Variants in NRXN3 observed in about 807,000 individuals in gnomAD.
NRXN3 encodes neurexin 3.
A neutral mutation model predicts 137.6 loss-of-function variants in NRXN3; 32 were observed. The ratio of observed to expected loss-of-function variants is 0.23; its 90% CI spans 0.18 to 0.31. NRXN3 has a LOEUF of 0.31. Ranked by LOEUF, NRXN3 falls within the 10% of genes least tolerant of loss-of-function variation. The probability of loss-of-function intolerance (pLI) is 1.00; values close to 1 mark genes in which losing one functional copy is unlikely to be tolerated. For synonymous variants in NRXN3, 798 were observed against 784.5 expected, an observed-to-expected ratio of 1.02 and a Z score of -0.29; for missense variants, 1,574 against 2,062.5, an observed-to-expected ratio of 0.76 and a Z score of 4.59.
At chr14:79,738,737 T>G (rs965076953) in intron 19 of NRXN3, among the ~76,000 whole-genome samples, 4 of 152,094 alleles carry the variant, frequency 2.6e-5, no homozygotes, top group Non-Finnish European at 4.4e-5. Context: ...TTTTGTATTT[T>G]TAATAGAGAC....
intron 4 of NRXN3, among the ~76,000 whole-genome samples, chr14:78,329,181 C>T (rs1012939122): frequency 5.9e-5 from 9 of 152,154 alleles, no homozygotes; most frequent in African/African-American, 2.2e-4. Context: ...ACAAAGTTCA[C>T]TTTCGTGACT....
intron 4 of NRXN3, among the ~76,000 whole-genome samples, chr14:78,517,265 T>G (rs1443317615): frequency 1.3e-5 from 2 of 152,140 alleles, no homozygotes; most frequent in Non-Finnish European, 2.9e-5. Context: ...TTGAGCTATT[T>G]AATATGTTGA....
chr14:79,005,738 G>T (rs2099551076), intron 15 of NRXN3, among the ~76,000 whole-genome samples: 1 of 151,886 alleles, frequency 6.6e-6, no homozygotes, highest in Non-Finnish European at 1.5e-5. Flanking sequence ...CTGAATATTT[G>T]TGTGGTGTTT....
chr14:79,241,540 C>T (rs2074295489), intron 15 of NRXN3, among the ~76,000 whole-genome samples: 1 of 152,076 alleles, frequency 6.6e-6, no homozygotes. Flanking sequence ...ACCACGAGAA[C>T]AGTATGAGGG....
At chr14:79,372,122 C>T (rs1316002953) in intron 15 of NRXN3, among the ~76,000 whole-genome samples, 2 of 134,486 alleles carry the variant, frequency 1.5e-5, no homozygotes, top group Non-Finnish European at 3.3e-5. Flanking sequence ...CATACACATA[C>T]TTAAGACACA....
At position 78,220,519 on chromosome 14, in the gene NRXN3, G is replaced by A. The variant is rs190661384; in HGVS notation, c.-703-21872G>A. Among the ~76,000 whole-genome samples, 15 of 152,290 alleles carry A rather than the reference G, an allele frequency of 9.8e-5. No individual in the cohort carries two copies. In the East Asian group the frequency reaches 1.2e-3, roughly 12 times the overall value. ...TCAGGGACATGTGGGGGCAGAAGCCGGAATGCAGAGGATGAGGATAGAAAG... is the reference window on the plus strand; with the variant it reads ...TCAGGGACATGTGGGGGCAGAAGCCAGAATGCAGAGGATGAGGATAGAAAG... On this transcript the variant is annotated intron_variant, in intron 1 of 20. Coordinates refer to ENST00000335750, the MANE Select transcript of NRXN3 (RefSeq NM_001330195.2).
chr14:78,301,120 G>T (rs1159419447), intron 4 of NRXN3, among the ~76,000 whole-genome samples: 1 of 151,326 alleles, frequency 6.6e-6, no homozygotes, highest in Non-Finnish European at 1.5e-5. Flanking sequence ...GGAGAGAATT[G>T]GTGAATTGCC....
chr14:78,212,872 C>T (rs1225391500), intron 1 of NRXN3, among the ~76,000 whole-genome samples: 1 of 151,998 alleles, frequency 6.6e-6, no homozygotes, highest in Admixed American at 6.6e-5. Flanking sequence ...TACATAGAAT[C>T]TCAATACCAA....
chr14:79,348,378 C>CTT (rs10628515), intron 15 of NRXN3, among the ~76,000 whole-genome samples: 52,579 of 135,766 alleles, frequency 0.39, 10,830 homozygotes, highest in Admixed American at 0.5. Flanking sequence ...AATCTTCTCT[C>CTT]TTTTTTTTTT....
chr14:78,591,558 C>T (rs1461169512), intron 4 of NRXN3, among the ~76,000 whole-genome samples: 1 of 152,156 alleles, frequency 6.6e-6, no homozygotes, highest in Non-Finnish European at 1.5e-5. Context: ...GGGAAATGAA[C>T]TAGAAAGACT....
intron 8 of NRXN3, chr14:78,744,736 G>A (rs765013296): frequency 2.0e-5 from 3 of 152,226 alleles, no homozygotes; most frequent in Non-Finnish European, 4.4e-5. Context: ...CCTCCTCTGG[G>A]ATAGTTTCTG....
chr14:79,602,100 C>CA (rs1339209180), intron 16 of NRXN3, among the ~76,000 whole-genome samples: 1 of 152,190 alleles, frequency 6.6e-6, no homozygotes, highest in East Asian at 1.9e-4. Flanking sequence ...TAAGATATTA[C>CA]ATACCTACTG....
Position 79,316,524 on chromosome 14 carries a change from C to T in NRXN3, c.3263-150697C>T, listed in dbSNP as rs186230040. On this transcript the variant is annotated intron_variant, in intron 15 of 20. Coordinates refer to ENST00000335750, the MANE Select transcript of NRXN3 (RefSeq NM_001330195.2). ...AAAGAGGGGAAAGGGACCGGATGAT[C>T]GGTGGTAAGGGTATGTTTGAAGCAG... Among the ~76,000 whole-genome samples the T allele has an allele frequency of 7.2e-4, 110 of 152,232 alleles. 2 individuals are homozygous for T. The South Asian group carries it at 0.01, about 14-fold the overall frequency.
Position 78,297,696 on chromosome 14 carries a change from G to T in NRXN3, c.728-135G>T. ...TGTGGAGTCTGACATGTGAGCAAGC[G>T]TGCGGCCCCTGTCACTCCTTTTTCC... is the stretch of plus-strand genomic sequence containing the variant. On this transcript the variant is annotated intron_variant, in intron 3 of 20. Transcript: ENST00000335750. 4.3e-6 allele frequency: 3 copies of T among 692,334 alleles called. No homozygotes were observed. The South Asian group carries it at 5.1e-5, about 12-fold the overall frequency. The allele number at this position is 692,334 out of a possible 1,614,324, so 42.9% of individuals were successfully genotyped here.
At chr14:78,386,627 C>T (rs1159355700) in intron 4 of NRXN3, among the ~76,000 whole-genome samples, 4 of 152,136 alleles carry the variant, frequency 2.6e-5, no homozygotes, top group Non-Finnish European at 4.4e-5. Flanking sequence ...TATGGATGAA[C>T]AAACCAAAGG....
intron 16 of NRXN3, among the ~76,000 whole-genome samples, chr14:79,491,222 AG>A (rs1431384766): frequency 1.3e-5 from 2 of 152,166 alleles, no homozygotes; most frequent in Non-Finnish European, 2.9e-5. Context: ...CAAGTAGCTG[AG>A]GCAAAATTTG....
At chr14:79,257,037 G>T (rs140043615) in intron 15 of NRXN3, among the ~76,000 whole-genome samples, 4 of 152,200 alleles carry the variant, frequency 2.6e-5, no homozygotes, top group African/African-American at 7.2e-5. Flanking sequence ...AATAATTTGG[G>T]TGATCCACCT....
intron 6 of NRXN3, among the ~76,000 whole-genome samples, chr14:78,658,488 A>G (rs559250156): frequency 6.6e-6 from 1 of 152,198 alleles, no homozygotes; most frequent in Non-Finnish European, 1.5e-5. Flanking sequence ...AGGCCAAAGA[A>G]CCACTTACTG....
intron 15 of NRXN3, among the ~76,000 whole-genome samples, chr14:79,206,615 A>C (rs1399793412): frequency 6.6e-6 from 1 of 152,190 alleles, no homozygotes; most frequent in Non-Finnish European, 1.5e-5. Flanking sequence ...TTTTCTTGTG[A>C]CAACCCTGCC....
Sources: allele counts gnomAD v4.1 joint callset (sites outside exome capture counted in the v4.1 genomes callset), GRCh38; gene constraint gnomAD v4.1.1; transcripts MANE v1.5; gene names NCBI Gene and HGNC (gene_info 2026-07-23, HGNC 2026-07-21).